S100Z: variants seen among roughly 807,000 people sequenced by gnomAD.
The protein encoded by S100Z is S100 calcium binding protein Z.
A neutral mutation model predicts 8.5 loss-of-function variants in S100Z; 11 were observed. That is an observed-to-expected ratio of 1.30 (90% CI 0.82 to 2.15). The LOEUF is 2.15. Ranked by LOEUF, S100Z falls within the 30% of genes most tolerant of loss-of-function variation. The pLI is 0.00. For synonymous variants in S100Z, 34 were observed against 43.8 expected (o/e 0.78, Z 0.89); for missense variants, 126 against 117.9 (o/e 1.07, Z -0.32).
chr5:76,919,749 A>T (rs1400682332), intron 4 of S100Z, among the ~76,000 whole-genome samples: 1 of 151,244 alleles, frequency 6.6e-6, no homozygotes, highest in Non-Finnish European at 1.5e-5. Flanking sequence ...TGGGACTACA[A>T]GTGCATGCCA....
rs986720936 is a variant in S100Z at position 76,877,295 on chromosome 5, C to T, written c.142-379C>T. Among the ~76,000 whole-genome samples, 7 of 152,270 alleles carry T rather than the reference C, an allele frequency of 4.6e-5. No individual in the cohort carries two copies. The South Asian group carries it at 8.3e-4, about 18-fold the overall frequency. On this transcript the variant is annotated intron_variant, in intron 3 of 4. Coordinates refer to ENST00000317593, the MANE Select transcript of S100Z (RefSeq NM_130772.4). ...AAATGTTACGCGATTTGCTCAAATT[C>T]GCTCGTTGGTATTTTTCTCCTTTTT...
At chr5:76,862,745 T>C (rs2150625902) in intron 1 of S100Z, among the ~76,000 whole-genome samples, 1 of 152,014 alleles carries the variant, frequency 6.6e-6, no homozygotes, top group East Asian at 1.9e-4. Context: ...GAGGTTGCAG[T>C]GAGCCGAGAT....
the S100Z span, among the ~76,000 whole-genome samples, chr5:76,950,990 G>A: frequency 3.3e-5 from 5 of 151,604 alleles, no homozygotes; most frequent in African/African-American, 9.7e-5. Flanking sequence ...AGTTTTTCTC[G>A]ATAGCTTGTA....
intron 4 of S100Z, among the ~76,000 whole-genome samples, chr5:76,914,653 T>C (rs753805710): frequency 1.3e-5 from 2 of 151,446 alleles, no homozygotes; most frequent in African/African-American, 2.4e-5. Flanking sequence ...ACTGAGACCA[T>C]GGACCCACCA....
intron 4 of S100Z, among the ~76,000 whole-genome samples, chr5:76,882,733 G>A (rs969081510): frequency 6.6e-6 from 1 of 152,202 alleles, no homozygotes; most frequent in African/African-American, 2.4e-5. Flanking sequence ...AGTAATGGGG[G>A]CTGTCCGTGA....
intron 4 of S100Z, among the ~76,000 whole-genome samples, chr5:76,920,453 A>G (rs902404967): frequency 6.6e-6 from 1 of 152,210 alleles, no homozygotes; most frequent in Non-Finnish European, 1.5e-5. Context: ...GCTTTCATGC[A>G]TAGCATAATG....
the S100Z span, among the ~76,000 whole-genome samples, chr5:76,926,706 G>A: frequency 1.5e-4 from 23 of 152,260 alleles, no homozygotes; most frequent in African/African-American, 5.3e-4. Flanking sequence ...AGCAAAGAGG[G>A]GATCTGGAGA....
At chr5:76,857,781 A>G (rs546475953) in intron 1 of S100Z, among the ~76,000 whole-genome samples, 22 of 152,272 alleles carry the variant, frequency 1.4e-4, no homozygotes, top group African/African-American at 5.1e-4. Flanking sequence ...GATTACAGGT[A>G]TGAGCCACCG....
intron 4 of S100Z, among the ~76,000 whole-genome samples, chr5:76,883,232 G>A (rs558048809): frequency 1.6e-3 from 250 of 152,224 alleles, no homozygotes; most frequent in African/African-American, 5.7e-3. Context: ...ATACTTGTGG[G>A]TTAAGGTAGG....
At chr5:76,877,279 G>T (rs1054538922) in intron 3 of S100Z, among the ~76,000 whole-genome samples, 1 of 152,168 alleles carries the variant, frequency 6.6e-6, no homozygotes, top group Non-Finnish European at 1.5e-5. Context: ...AAAATGTTAC[G>T]CGATTTGCTC....
chr5:76,858,193 A>G (rs1750937807), intron 1 of S100Z, among the ~76,000 whole-genome samples: 1 of 152,204 alleles, frequency 6.6e-6, no homozygotes, highest in Non-Finnish European at 1.5e-5. Flanking sequence ...TTGCCAGTCC[A>G]GTCATGGCAC....
At chr5:76,879,477 C>T (rs930196481) in intron 4 of S100Z, among the ~76,000 whole-genome samples, 3 of 152,168 alleles carry the variant, frequency 2.0e-5, no homozygotes, top group Admixed American at 2.0e-4. Flanking sequence ...AGGGAAGAAT[C>T]ACTTTGGTGT....
intron 4 of S100Z, among the ~76,000 whole-genome samples, chr5:76,918,012 C>CT (rs1223360348): frequency 6.6e-6 from 1 of 152,086 alleles, no homozygotes; most frequent in African/African-American, 2.4e-5. Flanking sequence ...TTTAGGGTAT[C>CT]TATCTGTAGG....
chr5:76,860,731 G>A (rs548031749), intron 1 of S100Z, among the ~76,000 whole-genome samples: 3 of 152,268 alleles, frequency 2.0e-5, no homozygotes, highest in African/African-American at 7.2e-5. Flanking sequence ...AGATATTCAA[G>A]GAGGTCATTT....
At chr5:76,925,751 G>A (rs767594537), downstream of S100Z, among the ~76,000 whole-genome samples, 9 of 152,114 alleles carry the variant, frequency 5.9e-5, no homozygotes, top group Non-Finnish European at 1.3e-4. Context: ...CGGATCACTT[G>A]AGGTGAGGAG....
At chr5:76,892,834 T>TA in intron 4 of S100Z, among the ~76,000 whole-genome samples, 1 of 152,298 alleles carries the variant, frequency 6.6e-6, no homozygotes, top group African/African-American at 2.4e-5. Context: ...AAAGTAAACT[T>TA]AGAGTAGAAG....
chr5:76,935,958 G>A, the S100Z span, among the ~76,000 whole-genome samples: 597 of 152,158 alleles, frequency 3.9e-3, 4 homozygotes, highest in African/African-American at 0.014. Flanking sequence ...TGTATTTTTA[G>A]TAGAGATGGG....
chr5:76,874,571 G>A (rs1002258824), intron 2 of S100Z, among the ~76,000 whole-genome samples: 1 of 152,078 alleles, frequency 6.6e-6, no homozygotes, highest in Non-Finnish European at 1.5e-5. Context: ...CATCTTCCCG[G>A]AAACAGGTGT....
At chr5:76,926,052 T>C (rs1236810702), downstream of S100Z, among the ~76,000 whole-genome samples, 1 of 152,160 alleles carries the variant, frequency 6.6e-6, no homozygotes, top group Admixed American at 6.5e-5. Context: ...GTGTGTGTCA[T>C]TGTGGCATCT....
Sources: gnomAD v4.1 joint callset for allele counts (sites outside exome capture counted in the v4.1 genomes callset) on GRCh38, gnomAD v4.1.1 for gene constraint, MANE v1.5 for transcripts, NCBI Gene and HGNC (gene_info 2026-07-23, HGNC 2026-07-21) for gene names.